DMD: variants seen among roughly 807,000 people sequenced by gnomAD.
DMD encodes mutant dystrophin.
In DMD, 63 loss-of-function variants were observed where a neutral mutation model predicts 330.1. That is an observed-to-expected ratio of 0.19 (90% CI 0.16 to 0.24). The LOEUF is 0.24. DMD is among the 10% of genes least tolerant of loss of function. The probability of loss-of-function intolerance (pLI) is 1.00; values close to 1 mark genes in which losing one functional copy is unlikely to be tolerated. For synonymous variants in DMD, 1,223 were observed against 959.8 expected (o/e 1.27, Z -5.07); for missense variants, 3,344 against 2,684.1 (o/e 1.25, Z -5.43).
At chrX:31,986,309 A>T (rs770414655) in intron 44 of DMD, among the ~76,000 whole-genome samples, 4 of 112,076 alleles carry the variant, frequency 3.6e-5, no homozygotes, top group African/African-American at 1.3e-4. Flanking sequence ...TTTTTTGTAC[A>T]ATACTACTTG....
Position 31,720,636 on chromosome X carries a change from C to T in DMD, c.7660+8995G>A, listed in dbSNP as rs1229467860. On this transcript the variant is annotated intron_variant, in intron 52 of 78. Coordinates refer to ENST00000357033, the MANE Select transcript of DMD (RefSeq NM_004006.3). ...ACAAAAAAGGAAGAAAAACTATTTT[C>T]TTTAATTGGTTTATTTATTTAATAG... Among the ~76,000 whole-genome samples the T allele has an allele frequency of 6.4e-5, 7 of 108,726 alleles. No homozygotes were observed. The South Asian group carries it at 2.6e-3, about 41-fold the overall frequency. The allele number at this position is 108,726 out of a possible 115,157, so 94.4% of individuals were successfully genotyped here. A position where few individuals can be genotyped will look rare whatever the true frequency, so the allele number is the denominator to read the frequency against.
chrX:32,404,105 T>A, intron 30 of DMD, among the ~76,000 whole-genome samples: 1 of 112,539 alleles, frequency 8.9e-6, no homozygotes, highest in Non-Finnish European at 1.9e-5. Flanking sequence ...CATTTAAAGA[T>A]GACCGATTAT....
intron 61 of DMD, among the ~76,000 whole-genome samples, chrX:31,336,924 T>C (rs757948751): frequency 9.2e-4 from 87 of 94,685 alleles, no homozygotes; most frequent in African/African-American, 3.2e-3. Context: ...TTTTCTTTCT[T>C]TCTTTTTTTT....
At chrX:33,027,181 CTGAG>C (rs754116257) in intron 1 of DMD, among the ~76,000 whole-genome samples, 1 of 112,048 alleles carries the variant, frequency 8.9e-6, no homozygotes, top group East Asian at 2.8e-4. Flanking sequence ...CCCAGATTAT[CTGAG>C]TGGGCAGGAT....
rs185472881 is a variant in DMD, at chrX:31,367,330, G to C, written c.9085-18696C>G. Among the ~76,000 whole-genome samples the C allele has an allele frequency of 2.0e-3, 222 of 110,954 alleles. 1 individual carries two copies. Among genetic ancestry groups the C allele is most frequent in the Non-Finnish European group, 3.5e-3 (188 of 52,971 alleles). ...ATTGTATAGTGCCTAAGATTTTTGG[G>C]GGCCTTTAATGAACAGCAGTACAAT... is the stretch of plus-strand genomic sequence containing the variant. On this transcript the variant is annotated intron_variant, in intron 60 of 78. Transcript: ENST00000357033.
intron 63 of DMD, among the ~76,000 whole-genome samples, chrX:31,225,700 C>T (rs2046512462): frequency 9.0e-6 from 1 of 111,584 alleles, no homozygotes; most frequent in Non-Finnish European, 1.9e-5. Flanking sequence ...TTTTCTAATT[C>T]AGTAGGTATG....
intron 51 of DMD, among the ~76,000 whole-genome samples, chrX:31,760,824 GT>G (rs947925982): frequency 2.7e-5 from 3 of 110,152 alleles, no homozygotes; most frequent in African/African-American, 9.9e-5. Context: ...ATAATAACAG[GT>G]AAAAAAAGAT....
At chrX:32,627,887 C>T (rs1170276689) in intron 11 of DMD, among the ~76,000 whole-genome samples, 9 of 110,318 alleles carry the variant, frequency 8.2e-5, no homozygotes, top group African/African-American at 1.7e-4. Context: ...AACCACAATA[C>T]CCTATTTTTT....
intron 12 of DMD, among the ~76,000 whole-genome samples, chrX:32,612,146 G>A (rs1317155556): frequency 1.8e-5 from 2 of 111,534 alleles, no homozygotes; most frequent in Non-Finnish European, 3.8e-5. Context: ...GATACCTGGA[G>A]CTCAGTCTTA....
chrX:31,783,429 G>A (rs2091128271), intron 50 of DMD, among the ~76,000 whole-genome samples: 1 of 111,023 alleles, frequency 9.0e-6, no homozygotes, highest in Non-Finnish European at 1.9e-5. Context: ...TTTGAAAGTT[G>A]TTATATAATG....
chrX:31,774,301 G>A, intron 50 of DMD, 109 bp from the exon 51 acceptor site: 1 of 539,749 alleles, frequency 1.9e-6, no homozygotes, highest in Non-Finnish European at 3.1e-6. Context: ...TAATTGAAGA[G>A]TAACAATTTG....
At chrX:31,366,311 A>C (rs1467329782) in intron 60 of DMD, among the ~76,000 whole-genome samples, 1 of 108,207 alleles carries the variant, frequency 9.2e-6, no homozygotes, top group Non-Finnish European at 1.9e-5. Context: ...CGGGCACTGG[A>C]GCAGAAAGAT....
chrX:32,456,578 TTGTGTGTGTGTGTGTGTGTGTGTGTGTG>T (rs60876331), intron 25 of DMD, among the ~76,000 whole-genome samples: 1 of 89,496 alleles, frequency 1.1e-5, no homozygotes, highest in Non-Finnish European at 2.2e-5. Flanking sequence ...CATACATACT[TTGTGTGTGTGTGTGTGTGTGTGTGTGTG>T]TGTGTGTGTG....
intron 37 of DMD, among the ~76,000 whole-genome samples, chrX:32,356,784 C>A (rs1237533434): frequency 9.0e-6 from 1 of 111,654 alleles, no homozygotes; most frequent in Non-Finnish European, 1.9e-5. Context: ...AAATAATTGC[C>A]TTTATTAATA....
intron 43 of DMD, among the ~76,000 whole-genome samples, chrX:32,249,655 C>A (rs1034348990): frequency 8.9e-6 from 1 of 111,864 alleles, no homozygotes; most frequent in Admixed American, 9.5e-5. Flanking sequence ...AATTCCAAAG[C>A]CAAGCTCTTA....
At chrX:32,948,157 G>A (rs993140122) in intron 2 of DMD, among the ~76,000 whole-genome samples, 3 of 107,271 alleles carry the variant, frequency 2.8e-5, no homozygotes, top group Non-Finnish European at 3.8e-5. Flanking sequence ...CACCAGGGAC[G>A]GAGGGAGAGA....
intron 47 of DMD, among the ~76,000 whole-genome samples, chrX:31,906,919 T>A (rs550575999): frequency 6.2e-5 from 7 of 112,531 alleles, no homozygotes; most frequent in African/African-American, 1.9e-4. Context: ...CAAATTTCAA[T>A]TCCTTCCCTG....
At chrX:32,323,227 T>C (rs1381815125) in intron 41 of DMD, among the ~76,000 whole-genome samples, 2 of 111,965 alleles carry the variant, frequency 1.8e-5, no homozygotes, top group Non-Finnish European at 3.8e-5. Flanking sequence ...AGGGTGTCCA[T>C]AGTTACATGC....
At chrX:31,964,304 A>G (rs2095332947) in intron 45 of DMD, among the ~76,000 whole-genome samples, 2 of 111,566 alleles carry the variant, frequency 1.8e-5, no homozygotes, top group Non-Finnish European at 3.8e-5. Context: ...TGGAAGGGCT[A>G]TTTTAGACTA....
Sources: gnomAD v4.1 joint callset for allele counts (sites outside exome capture counted in the v4.1 genomes callset) on GRCh38, gnomAD v4.1.1 for gene constraint, MANE v1.5 for transcripts, NCBI Gene and HGNC (gene_info 2026-07-23, HGNC 2026-07-21) for gene names.